Variants in MAST4 observed in about 807,000 individuals in gnomAD.
MAST4 encodes the protein microtubule-associated serine/threonine-protein kinase 4.
A neutral mutation model predicts 162.7 loss-of-function variants in MAST4; 89 were observed. The ratio of observed to expected loss-of-function variants is 0.55; its 90% CI spans 0.46 to 0.65. MAST4 has a LOEUF of 0.65. MAST4 is among the 30% of genes least tolerant of loss of function. The probability of loss-of-function intolerance (pLI) is 0.00; values close to 1 mark genes in which losing one functional copy is unlikely to be tolerated. For missense variants in MAST4, 3,153 were observed against 3,374.0 expected (o/e 0.93, Z 1.62); for synonymous variants, 1,479 against 1,361.1 (o/e 1.09, Z -1.91).
At chr5:66,709,482 AT>A (rs1428032469) in intron 1 of MAST4, among the ~76,000 whole-genome samples, 2 of 151,906 alleles carry the variant, frequency 1.3e-5, no homozygotes, top group African/African-American at 2.4e-5. Context: ...TCCCTGGCTA[AT>A]TTTTTTCATT....
intron 3 of MAST4, among the ~76,000 whole-genome samples, chr5:66,828,573 CCTGT>C (rs1300214839): frequency 6.6e-6 from 1 of 152,168 alleles, no homozygotes; most frequent in Non-Finnish European, 1.5e-5. Context: ...CTCACGATTT[CCTGT>C]CTAATAGCAA....
chr5:67,052,481 C>T (rs1023229529), intron 4 of MAST4, among the ~76,000 whole-genome samples: 3 of 151,674 alleles, frequency 2.0e-5, no homozygotes, highest in African/African-American at 7.3e-5. Flanking sequence ...CTAAATTGTT[C>T]ATTGTTTTGC....
intron 1 of MAST4, among the ~76,000 whole-genome samples, chr5:66,616,365 A>G (rs979121892): frequency 3.3e-5 from 5 of 152,208 alleles, no homozygotes; most frequent in Admixed American, 6.5e-5. Context: ...TTAAATTTTA[A>G]GTATGAGATG....
chr5:66,868,535 A>T (rs1436865616), intron 3 of MAST4, among the ~76,000 whole-genome samples: 2 of 147,264 alleles, frequency 1.4e-5, no homozygotes, highest in African/African-American at 5.1e-5. Context: ...TGACTAGTTC[A>T]TTGAAAATTA....
intron 3 of MAST4, among the ~76,000 whole-genome samples, chr5:66,848,863 T>C (rs1213126341): frequency 6.6e-6 from 1 of 152,216 alleles, no homozygotes; most frequent in Non-Finnish European, 1.5e-5. Flanking sequence ...TTTATACACA[T>C]GGCACGAGCA....
At chr5:66,981,630 TTTG>T (rs1205991459) in intron 4 of MAST4, among the ~76,000 whole-genome samples, 1 of 152,198 alleles carries the variant, frequency 6.6e-6, no homozygotes, top group African/African-American at 2.4e-5. Context: ...ACATCCTTAG[TTTG>T]TTGTTCTTGG....
intron 1 of MAST4, among the ~76,000 whole-genome samples, chr5:66,639,642 AC>A (rs926944288): frequency 5.9e-5 from 9 of 152,248 alleles, no homozygotes; most frequent in African/African-American, 1.9e-4. Flanking sequence ...TATTAGTTTC[AC>A]TATTCTGAGA....
chr5:66,697,388 C>A (rs746534298), intron 1 of MAST4, among the ~76,000 whole-genome samples: 1 of 152,144 alleles, frequency 6.6e-6, no homozygotes, highest in Non-Finnish European at 1.5e-5. Context: ...TTAATGATAA[C>A]CATATCAGAA....
intron 7 of MAST4, among the ~76,000 whole-genome samples, chr5:67,096,204 A>G (rs574904624): frequency 1.2e-4 from 18 of 152,368 alleles, no homozygotes; most frequent in African/African-American, 4.3e-4. Context: ...TAAGATAAAT[A>G]AAGACATAGT....
intron 1 of MAST4, among the ~76,000 whole-genome samples, chr5:66,617,824 A>G (rs771765843): frequency 2.0e-5 from 3 of 152,214 alleles, no homozygotes; most frequent in Non-Finnish European, 4.4e-5. Context: ...AAAGTAAAAC[A>G]TCAACGCGTA....
intron 1 of MAST4, among the ~76,000 whole-genome samples, chr5:66,689,007 C>T (rs952858834): frequency 2.0e-5 from 3 of 152,112 alleles, no homozygotes; most frequent in African/African-American, 7.2e-5. Context: ...GGCTTTTTTC[C>T]AAGCTTTTCA....
rs187901773 is a variant in MAST4, at chr5:66,619,800, A to T, written c.363+22782A>T. On this transcript the variant is annotated intron_variant, in intron 1 of 28. Transcript: ENST00000403625. ...ATAAAATAATTTAGATTTAATTTTT[A>T]AAAAAAATTTATATCAAGGTCACCT... Among the ~76,000 whole-genome samples, 34 of 151,944 alleles carry T rather than the reference A, an allele frequency of 2.2e-4. 1 individual carries two copies. The highest frequency in any genetic ancestry group is 2.1e-3 in the South Asian group (10 of 4,812).
chr5:66,760,147 C>T (rs1753776970), intron 2 of MAST4, among the ~76,000 whole-genome samples: 1 of 149,946 alleles, frequency 6.7e-6, no homozygotes, highest in Middle Eastern at 3.2e-3. Context: ...AGTCTCGCTC[C>T]GTTGCTAGGC....
chr5:66,642,539 G>C (rs1164311200), intron 1 of MAST4, among the ~76,000 whole-genome samples: 5 of 152,164 alleles, frequency 3.3e-5, no homozygotes, highest in African/African-American at 1.2e-4. Flanking sequence ...ATCTTTTAGA[G>C]AGACGTACAG....
chr5:66,635,859 GGA>G (rs1370302130), intron 1 of MAST4, among the ~76,000 whole-genome samples: 1 of 150,712 alleles, frequency 6.6e-6, no homozygotes, highest in East Asian at 1.9e-4. Context: ...TGGAGAGAGA[GGA>G]GTCATAGCTT....
At chr5:67,033,940 A>G (rs1755696949) in intron 4 of MAST4, among the ~76,000 whole-genome samples, 1 of 152,140 alleles carries the variant, frequency 6.6e-6, no homozygotes, top group Admixed American at 6.6e-5. Flanking sequence ...TTCATTTTAG[A>G]TTTGTAACCC....
Position 67,078,879 on chromosome 5 carries a change from AATATATTT to A in MAST4, c.764-11266_764-11259del, listed in dbSNP as rs1187005371. The stretch of plus-strand genomic sequence containing the variant: ...ATTTATATAAATATATATTTATATA[AATATATTT>A]ATATATTTATATATTTTTATATAAA... On this transcript the variant is annotated intron_variant, in intron 5 of 28. Coordinates refer to ENST00000403625, the MANE Select transcript of MAST4 (RefSeq NM_001164664.2). Among the ~76,000 whole-genome samples, 47 of 87,568 alleles carry A rather than the reference AATATATTT, an allele frequency of 5.4e-4. 2 individuals carry two copies. Among genetic ancestry groups the A allele is most frequent in the African/African-American group, 2.1e-3 (44 of 20,898 alleles). 57.4% of individuals were successfully genotyped at this position (87,568 alleles called of 152,430 possible). A position where few individuals can be genotyped will look rare whatever the true frequency, so the allele number is the denominator to read the frequency against.
intron 4 of MAST4, among the ~76,000 whole-genome samples, chr5:66,921,749 A>AC (rs199862785): frequency 0.012 from 1,792 of 152,276 alleles, 30 homozygotes; most frequent in South Asian, 0.053. Context: ...ACAGAATGGG[A>AC]CCCATCTCAA....
intron 1 of MAST4, among the ~76,000 whole-genome samples, chr5:66,712,825 A>G (rs1016269572): frequency 1.3e-5 from 2 of 152,230 alleles, no homozygotes; most frequent in Non-Finnish European, 2.9e-5. Context: ...AATAAAAACT[A>G]TCAGAAAATG....
Sources: gnomAD v4.1 joint callset for allele counts (sites outside exome capture counted in the v4.1 genomes callset) on GRCh38, gnomAD v4.1.1 for gene constraint, MANE v1.5 for transcripts, NCBI Gene and HGNC (gene_info 2026-07-23, HGNC 2026-07-21) for gene names.